The following TMEM232 variants were observed in gnomAD, a reference collection of about 807,000 sequenced individuals.
TMEM232 encodes the protein transmembrane protein 232.
Under a neutral mutation model 78.8 loss-of-function variants are expected in TMEM232, and 80 were observed. That is an observed-to-expected ratio of 1.01 (90% CI 0.85 to 1.22). TMEM232 has a LOEUF of 1.22. Among genes scored for constraint, TMEM232 ranks in the 50% most tolerant of loss-of-function variants. TMEM232 has a pLI of 0.00. For synonymous variants in TMEM232, 297 were observed against 254.3 expected, an observed-to-expected ratio of 1.17 and a Z score of -1.60; for missense variants, 881 against 742.2, an observed-to-expected ratio of 1.19 and a Z score of -2.17.
chr5:110,490,103 G>T (rs574931259), intron 12 of TMEM232, among the ~76,000 whole-genome samples: 1 of 147,872 alleles, frequency 6.8e-6, no homozygotes. Flanking sequence ...CAGCCTGACT[G>T]AGTGAAACTC....
At chr5:110,404,819 C>T (rs1433323090) in intron 2 of TMEM232, among the ~76,000 whole-genome samples, 2 of 151,994 alleles carry the variant, frequency 1.3e-5, no homozygotes, top group African/African-American at 4.8e-5. Context: ...GGAACAGCTC[C>T]TGGTCTGGAT....
intron 2 of TMEM232, among the ~76,000 whole-genome samples, chr5:110,658,351 G>C (rs544097968): frequency 2.0e-4 from 30 of 152,072 alleles, no homozygotes; most frequent in Admixed American, 7.2e-4. Context: ...TATTGCCTTT[G>C]TGTTTCTTTA....
intron 11 of TMEM232, among the ~76,000 whole-genome samples, chr5:110,556,541 C>T (rs1050722348): frequency 2.0e-5 from 3 of 152,074 alleles, no homozygotes; most frequent in Admixed American, 6.6e-5. Flanking sequence ...GCATGCACCA[C>T]CACGCCCAGC....
intron 12 of TMEM232, among the ~76,000 whole-genome samples, chr5:110,492,749 C>T (rs1765250023): frequency 1.3e-5 from 2 of 151,870 alleles, no homozygotes; most frequent in Non-Finnish European, 2.9e-5. Context: ...AACCAATACT[C>T]TACAGAGAGA....
Position 110,598,345 on chromosome 5 carries a change from C to A in TMEM232, c.1276+6764G>T, listed in dbSNP as rs1297374248. Among the ~76,000 whole-genome samples the A allele has an allele frequency of 2.6e-5, 4 of 151,960 alleles. No individual in the cohort carries two copies. The South Asian group carries it at 6.2e-4, about 24-fold the overall frequency. On this transcript the variant is annotated intron_variant, in intron 10 of 13. Coordinates refer to ENST00000455884, the MANE Select transcript of TMEM232 (RefSeq NM_001039763.4). ...CACACCAGTTAGAATGGCAATCATT[C>A]AAAAGTCAGGAAACAACAGGTGCTG...
chr5:110,664,196 G>T (rs953796651), intron 2 of TMEM232, among the ~76,000 whole-genome samples: 3 of 152,010 alleles, frequency 2.0e-5, no homozygotes, highest in African/African-American at 7.2e-5. Context: ...GGAGAAATAT[G>T]CAATGATTTT....
chr5:110,572,988 C>A (rs1777141282), intron 10 of TMEM232, among the ~76,000 whole-genome samples: 1 of 151,994 alleles, frequency 6.6e-6, no homozygotes, highest in Admixed American at 6.6e-5. Context: ...GACCCTGTGG[C>A]AGCTATCAAA....
chr5:110,721,231 T>C (rs989955362), intron 1 of TMEM232, among the ~76,000 whole-genome samples: 2 of 152,080 alleles, frequency 1.3e-5, no homozygotes, highest in Non-Finnish European at 2.9e-5. Context: ...AATATAAATA[T>C]ATGACATTAC....
intron 2 of TMEM232, among the ~76,000 whole-genome samples, chr5:110,399,754 C>G (rs1038562299): frequency 5.3e-5 from 8 of 152,142 alleles, no homozygotes; most frequent in Non-Finnish European, 8.8e-5. Context: ...ACACAGTAAA[C>G]AGAAGTTCCT....
intron 1 of TMEM232, among the ~76,000 whole-genome samples, chr5:110,686,402 G>A (rs1218244774): frequency 6.6e-6 from 1 of 151,916 alleles, no homozygotes; most frequent in Non-Finnish European, 1.5e-5. Context: ...ACAGCAAGCA[G>A]AAACTGCCAG....
intron 2 of TMEM232, among the ~76,000 whole-genome samples, chr5:110,412,566 T>G (rs2112584238): frequency 7.9e-6 from 1 of 126,504 alleles, no homozygotes; most frequent in Non-Finnish European, 1.7e-5. Context: ...ATAGCCAAAC[T>G]CTTTTTTTTT....
rs182103127 is a variant in TMEM232, at chr5:110,635,968, G to A, written c.501+2230C>T. Among the ~76,000 whole-genome samples, 407 of 152,048 alleles carry A rather than the reference G, an allele frequency of 2.7e-3. 2 individuals are homozygous for A. Among genetic ancestry groups the A allele is most frequent in the African/African-American group, 9.0e-3 (373 of 41,534 alleles). ...ATTATAGGAATACCTGCACTCTCGTGTTTACTGAAGCACTCTTCACAATAG... is the reference window on the plus strand; with the variant it reads ...ATTATAGGAATACCTGCACTCTCGTATTTACTGAAGCACTCTTCACAATAG... On this transcript the variant is annotated intron_variant, in intron 5 of 13. Coordinates refer to ENST00000455884, the MANE Select transcript of TMEM232 (RefSeq NM_001039763.4).
chr5:110,553,496 G>A (rs1234638849), intron 11 of TMEM232, among the ~76,000 whole-genome samples: 1 of 151,960 alleles, frequency 6.6e-6, no homozygotes, highest in East Asian at 1.9e-4. Context: ...TATTGTGAAT[G>A]GTATTGCATC....
At chr5:110,686,909 T>A (rs1246729694) in intron 1 of TMEM232, among the ~76,000 whole-genome samples, 2 of 152,182 alleles carry the variant, frequency 1.3e-5, no homozygotes, top group East Asian at 3.9e-4. Context: ...CTCCCCTGAC[T>A]TCAGGTTGTT....
chr5:110,730,487 G>C (rs1174988886), upstream of TMEM232, among the ~76,000 whole-genome samples: 2 of 152,106 alleles, frequency 1.3e-5, no homozygotes, highest in African/African-American at 4.8e-5. Context: ...GTATTAGTTT[G>C]TTTTCATGCT....
intron 10 of TMEM232, among the ~76,000 whole-genome samples, chr5:110,585,867 A>AT (rs1268618227): frequency 6.6e-6 from 1 of 152,050 alleles, no homozygotes; most frequent in Non-Finnish European, 1.5e-5. Flanking sequence ...TGAAGTACTA[A>AT]TGCAAACAAA....
Position 110,625,448 on chromosome 5 carries a change from A to T in TMEM232, c.602-15T>A, listed in dbSNP as rs529582355. On this transcript the variant is annotated splice_polypyrimidine_tract_variant and intron_variant, in intron 6 of 13. Transcript: ENST00000455884. The stretch of plus-strand genomic sequence containing the variant: ...GAAAGAAAGTGCTATTGTAAGAAAA[A>T]TCATCTGTGAGAAATAATTTATTAA... The T allele has an allele frequency of 6.7e-7, 1 of 1,492,534 alleles. No homozygotes were observed. Among genetic ancestry groups the T allele is most frequent in the East Asian group, 2.5e-5 (1 of 39,522 alleles). The allele number at this position is 1,492,534 out of a possible 1,614,324, so 92.5% of individuals were successfully genotyped here.
intron 10 of TMEM232, among the ~76,000 whole-genome samples, chr5:110,583,437 C>A (rs1468547909): frequency 6.6e-6 from 1 of 151,650 alleles, no homozygotes; most frequent in South Asian, 2.1e-4. Flanking sequence ...AACTGGATAT[C>A]CATATATAAA....
At chr5:110,585,158 T>C (rs1241509595) in intron 10 of TMEM232, among the ~76,000 whole-genome samples, 1 of 152,110 alleles carries the variant, frequency 6.6e-6, no homozygotes, top group Non-Finnish European at 1.5e-5. Context: ...AAGCTTTGGA[T>C]TGAAAGTTCC....
Sources: allele counts gnomAD v4.1 joint callset (sites outside exome capture counted in the v4.1 genomes callset), GRCh38; gene constraint gnomAD v4.1.1; transcripts MANE v1.5; gene names NCBI Gene and HGNC (gene_info 2026-07-23, HGNC 2026-07-21).